Variants in ARMH4 observed in about 807,000 individuals in gnomAD.
ARMH4 encodes the protein armadillo like helical domain containing 4.
ARMH4 carries 49 observed loss-of-function variants against 61.9 expected under a neutral mutation model. The ratio of observed to expected loss-of-function variants is 0.79; its 90% CI spans 0.63 to 1.00. ARMH4 has a LOEUF of 1.00. Among genes scored for constraint, ARMH4 ranks in the 50% least tolerant of loss-of-function variants. ARMH4 has a pLI of 0.00. For missense variants in ARMH4, 934 were observed against 930.0 expected, an observed-to-expected ratio of 1.00 and a Z score of -0.06; for synonymous variants, 368 against 341.5, an observed-to-expected ratio of 1.08 and a Z score of -0.85.
intron 4 of ARMH4, among the ~76,000 whole-genome samples, chr14:58,129,602 G>C (rs1887019251): frequency 6.6e-6 from 1 of 152,186 alleles, no homozygotes; most frequent in South Asian, 2.1e-4. Context: ...TCCCGGGCAA[G>C]GTAGAAAAAC....
intron 5 of ARMH4, among the ~76,000 whole-genome samples, chr14:58,051,915 A>G (rs909507372): frequency 1.3e-5 from 2 of 152,104 alleles, no homozygotes; most frequent in Non-Finnish European, 2.9e-5. Flanking sequence ...CAACTCAAAT[A>G]TACAGAAAGA....
In ARMH4 at chr14:58,001,788, C is replaced by G. The variant is rs1192375467; in HGVS notation, c.*2948G>C. On this transcript the variant is annotated 3_prime_UTR_variant, in exon 8 of 8. Transcript: ENST00000267485. ...AAGGCCTTGAGATCTGTATGTTTCA[C>G]AAGTGTCCCAGGTGATTTTTATGAG... is the stretch of plus-strand genomic sequence containing the variant. 1.3e-5 allele frequency: 2 copies of G among 152,132 alleles called. No homozygotes were observed. Among genetic ancestry groups the G allele is most frequent in the African/African-American group, 4.8e-5 (2 of 41,424 alleles). 9.4% of individuals were successfully genotyped at this position (152,132 alleles called of 1,614,324 possible). A position where few individuals can be genotyped will look rare whatever the true frequency, so the allele number is the denominator to read the frequency against.
In ARMH4 at chr14:58,002,388, C is replaced by A. The variant is rs1868277160; in HGVS notation, c.*2348G>T. On this transcript the variant is annotated 3_prime_UTR_variant, in exon 8 of 8. Coordinates refer to ENST00000267485, the MANE Select transcript of ARMH4 (RefSeq NM_001001872.4). ...CTTTTCCTTTAAGAAATCATGTGTC[C>A]CAAAAAGGACCACAGAGATACTGTG... 6.6e-6 allele frequency: 1 copy of A among 151,912 alleles called. No individual in the cohort carries two copies. The highest frequency in any genetic ancestry group is 1.5e-5 in the Non-Finnish European group (1 of 67,998). 9.4% of individuals were successfully genotyped at this position (151,912 alleles called of 1,614,324 possible). A position where few individuals can be genotyped will look rare whatever the true frequency, so the allele number is the denominator to read the frequency against.
intron 4 of ARMH4, among the ~76,000 whole-genome samples, chr14:58,102,469 A>G (rs1886017065): frequency 6.6e-6 from 1 of 152,188 alleles, no homozygotes; most frequent in African/African-American, 2.4e-5. Flanking sequence ...GAGATGAAAT[A>G]GTCTTGGATT....
intron 1 of ARMH4, among the ~76,000 whole-genome samples, chr14:58,144,268 A>C (rs540362583): frequency 6.6e-6 from 1 of 152,264 alleles, no homozygotes; most frequent in Non-Finnish European, 1.5e-5. Flanking sequence ...CTTAAAACAA[A>C]AACGTAATGA....
chr14:58,048,091 A>T (rs971575779), intron 5 of ARMH4, among the ~76,000 whole-genome samples: 2 of 152,214 alleles, frequency 1.3e-5, no homozygotes, highest in African/African-American at 2.4e-5. Context: ...TCCTGCAAAA[A>T]GGAATTCTCA....
intron 4 of ARMH4, among the ~76,000 whole-genome samples, chr14:58,126,990 G>T (rs1396840861): frequency 6.6e-6 from 1 of 151,914 alleles, no homozygotes; most frequent in African/African-American, 2.4e-5. Flanking sequence ...TTTTAGTAGA[G>T]GTGGAGTTTC....
intron 5 of ARMH4, among the ~76,000 whole-genome samples, chr14:58,032,158 G>C (rs1191520519): frequency 2.0e-5 from 3 of 152,072 alleles, no homozygotes; most frequent in African/African-American, 7.3e-5. Context: ...CCCTACACTA[G>C]ATCTCTCATC....
At chr14:58,022,248 G>T (rs978741661) in intron 5 of ARMH4, among the ~76,000 whole-genome samples, 1 of 151,390 alleles carries the variant, frequency 6.6e-6, no homozygotes, top group African/African-American at 2.4e-5. Context: ...CTTCCCCACC[G>T]CCACTCTCCA....
At chr14:58,041,440 G>A (rs1883699565) in intron 5 of ARMH4, among the ~76,000 whole-genome samples, 1 of 152,120 alleles carries the variant, frequency 6.6e-6, no homozygotes, top group African/African-American at 2.4e-5. Flanking sequence ...AGCTCCTGAA[G>A]GGAACACTAA....
At chr14:58,137,839 G>C in intron 2 of ARMH4, 151 bp downstream of exon 2, 1 of 745,854 alleles carries the variant, frequency 1.3e-6, no homozygotes, top group Non-Finnish European at 2.1e-6. Flanking sequence ...CTCACACCTC[G>C]GCCTCCGAAA....
At position 58,137,931 on chromosome 14, in the gene ARMH4, A is replaced by G. The variant is rs933528486; in HGVS notation, c.1369+59T>C. 5.3e-6 allele frequency: 8 copies of G among 1,519,500 alleles called. No homozygotes were observed. The African/African-American group carries it at 9.8e-5, about 19-fold the overall frequency. The allele number at this position is 1,519,500 out of a possible 1,614,324, so 94.1% of individuals were successfully genotyped here. A position where few individuals can be genotyped will look rare whatever the true frequency, so the allele number is the denominator to read the frequency against. On this transcript the variant is annotated intron_variant, in intron 2 of 7. Transcript: ENST00000267485. ...AACCTATTTCTAAATTGCCATTAAA[A>G]AAAAAATTGAAAGTTTCCAAATTAA...
intron 5 of ARMH4, among the ~76,000 whole-genome samples, chr14:58,032,105 G>T (rs903483233): frequency 1.1e-4 from 17 of 151,908 alleles, no homozygotes; most frequent in African/African-American, 3.9e-4. Flanking sequence ...TCATTCTTCA[G>T]ACCCAGCTTA....
intron 5 of ARMH4, among the ~76,000 whole-genome samples, chr14:58,048,059 T>C (rs1309808346): frequency 2.6e-5 from 4 of 152,200 alleles, no homozygotes; most frequent in African/African-American, 7.2e-5. Context: ...CTGTTAAAGT[T>C]ACCAATTTAG....
chr14:58,068,400 A>G (rs1385650501), intron 5 of ARMH4, among the ~76,000 whole-genome samples: 1 of 152,222 alleles, frequency 6.6e-6, no homozygotes, highest in Non-Finnish European at 1.5e-5. Context: ...TTTGCTTCTC[A>G]GAACGCCACA....
At chr14:58,024,101 A>G (rs1465241734) in intron 5 of ARMH4, among the ~76,000 whole-genome samples, 1 of 152,222 alleles carries the variant, frequency 6.6e-6, no homozygotes, top group East Asian at 1.9e-4. Flanking sequence ...CACCAGTGGC[A>G]TTAGCCCCTA....
chr14:58,106,696 A>C lies in ARMH4; in HGVS notation c.1832-9715T>G, dbSNP rs142719331. Among the ~76,000 whole-genome samples the C allele has an allele frequency of 1.7e-3, 263 of 152,306 alleles. 1 individual carries two copies. The highest frequency in any genetic ancestry group is 5.5e-3 in the African/African-American group (230 of 41,568). The stretch of plus-strand genomic sequence containing the variant: ...TGTACTTACATGGGGCTTTCCTTCC[A>C]AGAGACTCAAACGGCTTTTCAGGCT... On this transcript the variant is annotated intron_variant, in intron 4 of 7. Transcript: ENST00000267485.
intron 5 of ARMH4, among the ~76,000 whole-genome samples, chr14:58,016,705 C>T (rs1882628915): frequency 6.6e-6 from 1 of 152,212 alleles, no homozygotes; most frequent in Non-Finnish European, 1.5e-5. Context: ...TACAAATTCA[C>T]TCTAATCCCA....
At chr14:58,043,941 A>G (rs981979960) in intron 5 of ARMH4, among the ~76,000 whole-genome samples, 1 of 152,158 alleles carries the variant, frequency 6.6e-6, no homozygotes, top group Non-Finnish European at 1.5e-5. Context: ...AGAACTACAA[A>G]CCACTGCTCA....
Sources: allele counts gnomAD v4.1 joint callset (sites outside exome capture counted in the v4.1 genomes callset), GRCh38; gene constraint gnomAD v4.1.1; transcripts MANE v1.5; gene names NCBI Gene and HGNC (gene_info 2026-07-23, HGNC 2026-07-21).